GOLGA4: variants seen among roughly 807,000 people sequenced by gnomAD.
GOLGA4 encodes the protein golgin subfamily A member 4.
A neutral mutation model predicts 265.9 loss-of-function variants in GOLGA4; 169 were observed. The observed-to-expected ratio is 0.64, with a 90% CI of 0.56 to 0.72. The LOEUF (loss-of-function observed/expected upper bound fraction) is 0.72. Ranked by LOEUF, GOLGA4 falls within the 30% of genes least tolerant of loss-of-function variation. The pLI is 0.00. For synonymous variants in GOLGA4, 923 were observed against 855.8 expected, an observed-to-expected ratio of 1.08 and a Z score of -1.37; for missense variants, 2,482 against 2,483.4, an observed-to-expected ratio of 1.00 and a Z score of 0.01.
intron 22 of GOLGA4, among the ~76,000 whole-genome samples, chr3:37,358,688 A>G (rs2097096676): frequency 6.6e-6 from 1 of 152,196 alleles, no homozygotes; most frequent in African/African-American, 2.4e-5. Context: ...AGCAATGTGT[A>G]GAACTAGTCT....
At chr3:37,329,121 T>C in intron 16 of GOLGA4, 28 bp downstream of exon 16, 1 of 1,553,308 alleles carries the variant, frequency 6.4e-7, no homozygotes, top group Non-Finnish European at 8.7e-7. Context: ...TCTCTCTCAC[T>C]TTTGAAATTT....
chr3:37,277,399 A>G (rs889928130), intron 2 of GOLGA4, among the ~76,000 whole-genome samples: 7 of 152,054 alleles, frequency 4.6e-5, no homozygotes, highest in Non-Finnish European at 8.8e-5. Context: ...ACTTCCCACT[A>G]TTTTTTTCCC....
In GOLGA4 at chr3:37,335,138, A is replaced by C; in HGVS notation, c.6278A>C (p.Glu2093Ala). ...ELQKKYQQKLEQEENPGNDNV... is the reference protein window; with the variant it reads ...ELQKKYQQKLAQEENPGNDNV... Reference sequence around the variant, plus strand: ...CAGAAGAAATACCAGCAAAAGCTAGAGCAGGAGGAGAACCCTGGCAATGAT... The same window carrying C: ...CAGAAGAAATACCAGCAAAAGCTAGCGCAGGAGGAGAACCCTGGCAATGAT... Residue 2093 changes from glutamate to alanine, a missense_variant, in exon 17 of 24, where the codon GAG becomes GCG. Physicochemically the swap from Glu to Ala is moderately radical, Grantham distance 107. Transcript: ENST00000361924. 1 of 1,599,872 alleles carries C rather than the reference A, an allele frequency of 6.3e-7. No individual in the cohort carries two copies. The highest frequency in any genetic ancestry group is 8.6e-7 in the Non-Finnish European group (1 of 1,169,518).
At chr3:37,362,058 C>G (rs539522705) in intron 23 of GOLGA4, among the ~76,000 whole-genome samples, 1 of 152,098 alleles carries the variant, frequency 6.6e-6, no homozygotes, top group Non-Finnish European at 1.5e-5. Flanking sequence ...CTAGAATTTT[C>G]ACAAAATCAA....
chr3:37,251,464 G>A lies in GOLGA4; in HGVS notation c.142G>A (p.Glu48Lys). The A allele has an allele frequency of 1.2e-6, 2 of 1,607,358 alleles. No individual in the cohort carries two copies. The highest frequency in any genetic ancestry group is 2.2e-5 in the South Asian group (2 of 90,964). ...ATCTTCATTTACAGAGCAACTTGAT[G>A]AAGGTACACCCAATAGAGAGGTAAG... ...RTSSFTEQLD[E>K]GTPNRESGDT... is the part of the protein sequence containing the mutation. Residue 48 changes from glutamate (E) to lysine (K), a missense_variant, in exon 2 of 24, where the codon GAA becomes AAA. Glu to Lys is a moderately conservative substitution (Grantham distance 56). Coordinates refer to ENST00000361924, the MANE Select transcript of GOLGA4 (RefSeq NM_002078.5).
intron 20 of GOLGA4, among the ~76,000 whole-genome samples, chr3:37,345,472 G>C (rs984149789): frequency 2.0e-5 from 3 of 152,158 alleles, no homozygotes; most frequent in African/African-American, 7.2e-5. Context: ...GTTTTAAAAT[G>C]CTGAGTGATA....
chr3:37,316,565 A>T (rs918653561), intron 11 of GOLGA4, among the ~76,000 whole-genome samples: 4 of 152,186 alleles, frequency 2.6e-5, no homozygotes, highest in Admixed American at 1.3e-4. Context: ...TAACTGCCTG[A>T]CTATATTTTA....
intron 4 of GOLGA4, 22 bp from the exon 5 acceptor site, chr3:37,289,213 T>C (rs2096858505): frequency 6.8e-7 from 1 of 1,474,240 alleles, no homozygotes; most frequent in African/African-American, 1.4e-5. Context: ...TTAACCAGCT[T>C]TTTTTTCTCT....
At chr3:37,296,050 T>C in intron 6 of GOLGA4, 37 bp from the exon 7 acceptor site, 1 of 1,597,126 alleles carries the variant, frequency 6.3e-7, no homozygotes, top group South Asian at 1.1e-5. Flanking sequence ...CCCATAGTTT[T>C]TTTTGACTTT....
At chr3:37,269,143 A>G (rs766081784) in intron 2 of GOLGA4, among the ~76,000 whole-genome samples, 6 of 152,236 alleles carry the variant, frequency 3.9e-5, no homozygotes, top group Non-Finnish European at 7.3e-5. Flanking sequence ...TTTAAGTTGA[A>G]TATACTTTAA....
At chr3:37,275,958 A>G (rs1486322340) in intron 2 of GOLGA4, 5 of 1,613,520 alleles carry the variant, frequency 3.1e-6, no homozygotes, top group East Asian at 2.2e-5. Flanking sequence ...CTTGACGAAA[A>G]GAAGAAAGAA....
At chr3:37,353,130 G>C (rs1230768092) in intron 21 of GOLGA4, among the ~76,000 whole-genome samples, 1 of 151,904 alleles carries the variant, frequency 6.6e-6, no homozygotes, top group Non-Finnish European at 1.5e-5. Flanking sequence ...ATCTTATATG[G>C]GCATGGTTTG....
At chr3:37,311,680 T>C (rs567226893) in intron 10 of GOLGA4, among the ~76,000 whole-genome samples, 6 of 152,328 alleles carry the variant, frequency 3.9e-5, no homozygotes, top group Admixed American at 3.9e-4. Context: ...CCTGACATGG[T>C]ACTGGAAAGT....
Position 37,326,767 on chromosome 3 carries a change from T to C in GOLGA4, c.4881T>C (p.Asp1627=), listed in dbSNP as rs779024345. The part of the protein sequence containing the change: ...SKEEELKALE[D]RLESESAAKL... The stretch of plus-strand genomic sequence containing the variant: ...AGGAGGAGTTAAAGGCATTGGAAGA[T>C]AGGCTTGAGTCAGAAAGTGCTGCAA... Residue 1627 remains aspartate, a synonymous_variant, in exon 14 of 24, where the codon GAT becomes GAC. Transcript: ENST00000361924. 5 of 1,613,702 alleles carry C rather than the reference T, an allele frequency of 3.1e-6. No individual in the cohort carries two copies. Among genetic ancestry groups the C allele is most frequent in the Non-Finnish European group, 4.2e-6 (5 of 1,179,724 alleles).
chr3:37,246,683 A>AT (rs1422087598), intron 1 of GOLGA4, among the ~76,000 whole-genome samples: 3 of 152,190 alleles, frequency 2.0e-5, no homozygotes, highest in African/African-American at 7.2e-5. Context: ...CGTACTGGTG[A>AT]TGGATGGTGG....
intron 11 of GOLGA4, among the ~76,000 whole-genome samples, chr3:37,318,538 G>C (rs932999365): frequency 1.1e-4 from 16 of 151,112 alleles, no homozygotes; most frequent in African/African-American, 3.6e-4. Flanking sequence ...TGTTTATTTT[G>C]TCCAGTGGGC....
chr3:37,264,360 A>G (rs139135546), intron 2 of GOLGA4, among the ~76,000 whole-genome samples: 2 of 152,336 alleles, frequency 1.3e-5, no homozygotes, highest in South Asian at 2.1e-4. Context: ...AAACTTGGAT[A>G]TGATGATACC....
intron 10 of GOLGA4, among the ~76,000 whole-genome samples, chr3:37,311,989 G>A (rs535732562): frequency 6.6e-6 from 1 of 152,062 alleles, no homozygotes. Context: ...AATGAAAACA[G>A]AAAATTCACT....
In GOLGA4 at chr3:37,248,780, C is replaced by T. The variant is rs183169583; in HGVS notation, c.73-2615C>T. Among the ~76,000 whole-genome samples the T allele has an allele frequency of 4.9e-3, 739 of 152,242 alleles. 2 individuals carry two copies. The highest frequency in any genetic ancestry group is 0.014 in the Middle Eastern group (4 of 294). ...TGAGGCTCTCAGTTACTGATTAGACCATATGAGGCCAAGGTGTAAGACGTA... is the reference window on the plus strand; with the variant it reads ...TGAGGCTCTCAGTTACTGATTAGACTATATGAGGCCAAGGTGTAAGACGTA... On this transcript the variant is annotated intron_variant, in intron 1 of 23. Transcript: ENST00000361924.
Sources: allele counts gnomAD v4.1 joint callset (sites outside exome capture counted in the v4.1 genomes callset), GRCh38; gene constraint gnomAD v4.1.1; transcripts MANE v1.5; gene names NCBI Gene and HGNC (gene_info 2026-07-23, HGNC 2026-07-21).